The following P4HA3 variants were observed in gnomAD, a reference collection of about 807,000 sequenced individuals.
P4HA3 encodes the protein prolyl 4-hydroxylase subunit alpha 3.
Under a neutral mutation model 66.7 loss-of-function variants are expected in P4HA3, and 60 were observed. The observed-to-expected ratio is 0.90, with a 90% confidence interval of 0.73 to 1.12. The LOEUF is 1.12. P4HA3 is among the 50% of genes most tolerant of loss of function. The pLI, the probability that P4HA3 is intolerant of heterozygous loss-of-function variation, is 0.00. For missense variants in P4HA3, 683 were observed against 685.8 expected (o/e 1.00, Z 0.05); for synonymous variants, 263 against 274.6 (o/e 0.96, Z 0.42).
intron 5 of P4HA3, among the ~76,000 whole-genome samples, chr11:74,286,651 T>C (rs1264061327): frequency 1.3e-5 from 2 of 152,150 alleles, no homozygotes; most frequent in South Asian, 2.1e-4. Flanking sequence ...AACTTAAAAC[T>C]CTTAGGCCAA....
chr11:74,262,717 G>A (rs945056568), downstream of P4HA3, among the ~76,000 whole-genome samples: 4 of 152,128 alleles, frequency 2.6e-5, no homozygotes, highest in African/African-American at 4.8e-5. Context: ...GTTCTACTGA[G>A]TACACAGCAA....
chr11:74,267,045 C>A lies in P4HA3; in HGVS notation c.*203G>T, dbSNP rs546386690. ...TGTACTGTGCATCCTACTCTGACTT[C>A]CGTGGCTGGGGCAGATCAAATGTAC... is the stretch of plus-strand genomic sequence containing the variant. On this transcript the variant is annotated 3_prime_UTR_variant, in exon 13 of 13. Coordinates refer to ENST00000331597, the MANE Select transcript of P4HA3 (RefSeq NM_182904.5). The A allele has an allele frequency of 1.8e-5, 28 of 1,535,686 alleles. No individual in the cohort carries two copies. In the East Asian group the frequency reaches 6.1e-4, roughly 34 times the overall value.
At chr11:74,252,651 C>A in intron 15 of P4HA3, 2 of 400,926 alleles carry the variant, frequency 5.0e-6, no homozygotes, top group Non-Finnish European at 1.0e-5. Flanking sequence ...TTAGCAGTAT[C>A]CCTGGCTTTT....
chr11:74,252,386 C>T (rs1859722875), intron 15 of P4HA3: 5 of 453,232 alleles, frequency 1.1e-5, no homozygotes, highest in Middle Eastern at 6.8e-4. Flanking sequence ...CACAAGCCAC[C>T]GCGCCTGGCC....
rs376167010 is a variant in P4HA3 at position 74,306,227 on chromosome 11, T to G, written c.201-1815A>C. Among the ~76,000 whole-genome samples, 76 of 152,256 alleles carry G rather than the reference T, an allele frequency of 5.0e-4. No individual in the cohort carries two copies. The South Asian group carries it at 0.015, about 30-fold the overall frequency. On this transcript the variant is annotated intron_variant, in intron 1 of 12. Transcript: ENST00000331597. ...CAGCACACTTCCAACCTTTCTAGCT[T>G]GGCAACAAATGCAGAAAAGGGCAGA...
At chr11:74,292,784 A>G (rs1242356786) in intron 4 of P4HA3, among the ~76,000 whole-genome samples, 1 of 152,116 alleles carries the variant, frequency 6.6e-6, no homozygotes, top group African/African-American at 2.4e-5. Flanking sequence ...CCTGAGTTCT[A>G]GTTTGACTGC....
rs747117253 is a variant in P4HA3, at chr11:74,298,295, G to A, written c.634C>T (p.Arg212Ter). ...GTCTTCCACTCTCCGTAAGATCCTC[G>A]GAAGAGACTGACAGCCTCCTCCAGC... ...PWLEEAVSLF[R>*]GSYGEWKTED... The change falls in exon 4 of 13, where the codon CGA (arginine) becomes TGA (stop). Residue 212 changes from arginine to a stop codon, truncating the protein, a stop_gained. Coordinates refer to ENST00000331597, the MANE Select transcript of P4HA3 (RefSeq NM_182904.5). LOFTEE classifies it high-confidence loss of function. 2.1e-5 allele frequency: 34 copies of A among 1,613,858 alleles called. No homozygotes were observed. Among genetic ancestry groups the A allele is most frequent in the East Asian group, 1.6e-4 (7 of 44,882 alleles).
chr11:74,252,679 A>G, intron 15 of P4HA3: 1 of 368,560 alleles, frequency 2.7e-6, no homozygotes, highest in Admixed American at 3.0e-5. Flanking sequence ...TGATAACAGT[A>G]GTACCCCTCC....
chr11:74,289,600 C>G (rs905658972), intron 4 of P4HA3, among the ~76,000 whole-genome samples: 4 of 123,196 alleles, frequency 3.2e-5, no homozygotes, highest in African/African-American at 1.2e-4. Context: ...CCCCCCTCCC[C>G]CCACCCCACA....
chr11:74,266,184 C>T (rs189059748), downstream of P4HA3, among the ~76,000 whole-genome samples: 7 of 151,868 alleles, frequency 4.6e-5, no homozygotes, highest in East Asian at 5.8e-4. Flanking sequence ...GGAACGTAGC[C>T]GGGGACAGTG....
At chr11:74,263,567 T>G (rs761554042), downstream of P4HA3, among the ~76,000 whole-genome samples, 1 of 152,260 alleles carries the variant, frequency 6.6e-6, no homozygotes, top group Non-Finnish European at 1.5e-5. Context: ...GCAAGTTATA[T>G]GTTCTCTGAC....
intron 4 of P4HA3, among the ~76,000 whole-genome samples, chr11:74,291,594 G>A (rs1403761070): frequency 2.0e-5 from 3 of 152,200 alleles, no homozygotes. Flanking sequence ...GTCATAGACA[G>A]CTCTTATTAT....
intron 15 of P4HA3, among the ~76,000 whole-genome samples, chr11:74,256,291 A>C (rs1221301061): frequency 6.6e-6 from 1 of 152,088 alleles, no homozygotes; most frequent in Non-Finnish European, 1.5e-5. Context: ...CCCTCTTTAC[A>C]CTTGATGGAG....
At chr11:74,267,373 A>G (rs1860025596) in intron 12 of P4HA3, 55 bp from the exon 13 acceptor site, 2 of 1,601,056 alleles carry the variant, frequency 1.2e-6, no homozygotes, top group Admixed American at 1.7e-5. Flanking sequence ...AGACAGCAGC[A>G]ATGCTGCAGA....
At chr11:74,261,979 A>G (rs561678025), downstream of P4HA3, among the ~76,000 whole-genome samples, 3 of 152,328 alleles carry the variant, frequency 2.0e-5, no homozygotes, top group Admixed American at 6.5e-5. Context: ...AAGTTGCTTT[A>G]CTTTTCTGGG....
At chr11:74,270,468 T>C (rs897591529) in intron 10 of P4HA3, among the ~76,000 whole-genome samples, 2 of 147,178 alleles carry the variant, frequency 1.4e-5, no homozygotes, top group African/African-American at 4.9e-5. Context: ...GTAAACTGTT[T>C]TAAAACAGGA....
At chr11:74,305,507 C>T (rs1212159153) in intron 1 of P4HA3, among the ~76,000 whole-genome samples, 2 of 152,086 alleles carry the variant, frequency 1.3e-5, no homozygotes, top group East Asian at 3.9e-4. Context: ...AACTCCAAAA[C>T]CTGGGTTCGC....
At chr11:74,259,077 T>C (rs2135694547) in intron 15 of P4HA3, among the ~76,000 whole-genome samples, 1 of 152,282 alleles carries the variant, frequency 6.6e-6, no homozygotes, top group South Asian at 2.1e-4. Context: ...CAGTGGCCCA[T>C]GCTGCATCCT....
chr11:74,264,915 G>A (rs927758200), downstream of P4HA3, among the ~76,000 whole-genome samples: 2 of 152,122 alleles, frequency 1.3e-5, no homozygotes, highest in Non-Finnish European at 2.9e-5. Flanking sequence ...ACTTTCCTGT[G>A]TCTCAGTCGC....
Sources: gnomAD v4.1 joint callset for allele counts (sites outside exome capture counted in the v4.1 genomes callset) on GRCh38, gnomAD v4.1.1 for gene constraint, MANE v1.5 for transcripts, NCBI Gene and HGNC (gene_info 2026-07-23, HGNC 2026-07-21) for gene names.